The following PPARGC1A variants were observed in gnomAD, a reference collection of about 807,000 sequenced individuals.
PPARGC1A encodes the protein PPARG coactivator 1 alpha, also known as peroxisome proliferator-activated receptor gamma coactivator 1-alpha.
Under a neutral mutation model 88.7 loss-of-function variants are expected in PPARGC1A, and 25 were observed. The observed-to-expected ratio is 0.28, with a 90% CI of 0.21 to 0.39. The LOEUF (loss-of-function observed/expected upper bound fraction) is 0.39, where lower values mean the gene tolerates loss of function less well. Ranked by LOEUF, PPARGC1A falls within the 10% of genes least tolerant of loss-of-function variation. The pLI, the probability that PPARGC1A is intolerant of heterozygous loss-of-function variation, is 1.00. For missense variants in PPARGC1A, 880 were observed against 968.7 expected, an observed-to-expected ratio of 0.91 and a Z score of 1.22; for synonymous variants, 363 against 355.6, an observed-to-expected ratio of 1.02 and a Z score of -0.24.
At chr4:24,393,047 A>C in the PPARGC1A span, among the ~76,000 whole-genome samples, 3,311 of 102,380 alleles carry the variant, frequency 0.032, 45 homozygotes, top group Middle Eastern at 0.064. Context: ...ACACACACAC[A>C]CCCCTTTTTC....
At chr4:23,883,180 T>G (rs1716265721) in intron 2 of PPARGC1A, 1 of 152,198 alleles carries the variant, frequency 6.6e-6, no homozygotes, top group African/African-American at 2.4e-5. Flanking sequence ...CCTGGGAAAG[T>G]AGAACTAACC....
chr4:24,327,175 C>T, the PPARGC1A span, among the ~76,000 whole-genome samples: 6 of 152,204 alleles, frequency 3.9e-5, no homozygotes. Context: ...CAAGGGACAG[C>T]CCATTTGAGC....
the PPARGC1A span, among the ~76,000 whole-genome samples, chr4:24,278,713 C>T: frequency 7.5e-4 from 114 of 152,312 alleles, 1 homozygote; most frequent in East Asian, 0.012. Flanking sequence ...ATTTTCCACA[C>T]CGTGTTGCTA....
the PPARGC1A span, among the ~76,000 whole-genome samples, chr4:23,959,676 G>A: frequency 1.3e-5 from 2 of 151,998 alleles, no homozygotes; most frequent in Non-Finnish European, 2.9e-5. Flanking sequence ...GAGCTCTTGG[G>A]GTCTCCTATG....
At chr4:24,402,241 A>G in the PPARGC1A span, among the ~76,000 whole-genome samples, 1 of 152,204 alleles carries the variant, frequency 6.6e-6, no homozygotes, top group Non-Finnish European at 1.5e-5. Flanking sequence ...TGAGCGGTGG[A>G]GAGAGATACT....
chr4:24,089,673 G>A, the PPARGC1A span, among the ~76,000 whole-genome samples: 1 of 151,968 alleles, frequency 6.6e-6, no homozygotes, highest in Non-Finnish European at 1.5e-5. Flanking sequence ...GCCACGCCCG[G>A]CTAATTTTTT....
chr4:24,224,767 G>C, the PPARGC1A span, among the ~76,000 whole-genome samples: 1 of 152,196 alleles, frequency 6.6e-6, no homozygotes, highest in African/African-American at 2.4e-5. Context: ...GCAAGCCATG[G>C]AGAAGTGCAA....
chr4:24,155,104 T>TC, the PPARGC1A span, among the ~76,000 whole-genome samples: 3,225 of 148,768 alleles, frequency 0.022, 116 homozygotes, highest in African/African-American at 0.078. Flanking sequence ...TGTGACTTTC[T>TC]CTTCGAACCT....
the PPARGC1A span, among the ~76,000 whole-genome samples, chr4:24,449,486 G>C: frequency 6.6e-6 from 1 of 152,132 alleles, no homozygotes; most frequent in African/African-American, 2.4e-5. Context: ...CAATTTTGTT[G>C]TTTTATTCTG....
the PPARGC1A span, among the ~76,000 whole-genome samples, chr4:24,448,971 T>C: frequency 1.3e-5 from 2 of 152,192 alleles, no homozygotes; most frequent in Non-Finnish European, 2.9e-5. Context: ...GTTACAAGAT[T>C]ATAGTTCCCC....
At chr4:23,904,977 G>A (rs1239121194), upstream of PPARGC1A, among the ~76,000 whole-genome samples, 2 of 152,088 alleles carry the variant, frequency 1.3e-5, no homozygotes, top group South Asian at 2.1e-4. Flanking sequence ...CAGCGGTGGC[G>A]CTAAGTGCTG....
chr4:24,334,858 T>C, the PPARGC1A span, among the ~76,000 whole-genome samples: 1 of 152,244 alleles, frequency 6.6e-6, no homozygotes, highest in Admixed American at 6.5e-5. Flanking sequence ...TAAGGTTCTC[T>C]GATTTGGCTT....
the PPARGC1A span, among the ~76,000 whole-genome samples, chr4:23,999,973 GCACGT>G: frequency 6.6e-6 from 1 of 152,130 alleles, no homozygotes; most frequent in African/African-American, 2.4e-5. Context: ...TGAGACGCAA[GCACGT>G]CATTAAAATG....
Position 23,889,989 on chromosome 4 carries a change from T to A in PPARGC1A, c.-32A>T. On this transcript the variant is annotated 5_prime_UTR_variant, in exon 1 of 13. Coordinates refer to ENST00000264867, the MANE Select transcript of PPARGC1A (RefSeq NM_013261.5). ...CCTGAATGACGCCAGTCAAGCTTTT[T>A]CAACTCCAATCCACAGTGACACAGA... The A allele has an allele frequency of 6.2e-7, 1 of 1,613,254 alleles. No homozygotes were observed. Among genetic ancestry groups the A allele is most frequent in the Non-Finnish European group, 8.5e-7 (1 of 1,179,570 alleles).
chr4:24,023,534 C>T, the PPARGC1A span, among the ~76,000 whole-genome samples: 1,901 of 152,188 alleles, frequency 0.012, 45 homozygotes, highest in Middle Eastern at 0.037. Flanking sequence ...GCTGTGATAC[C>T]GCAAGGATAT....
At chr4:23,895,691 C>A (rs61795680) in intron 1 of PPARGC1A, among the ~76,000 whole-genome samples, 1 of 151,754 alleles carries the variant, frequency 6.6e-6, no homozygotes, top group Non-Finnish European at 1.5e-5. Flanking sequence ...TCAGATACTA[C>A]TGGTAGGATT....
chr4:23,970,718 GACTTCAGGTC>G, the PPARGC1A span, among the ~76,000 whole-genome samples: 2 of 152,106 alleles, frequency 1.3e-5, no homozygotes, highest in South Asian at 4.1e-4. Flanking sequence ...GCAGCTAAGG[GACTTCAGGTC>G]ACTAACTCAC....
chr4:23,932,911 C>T, the PPARGC1A span, among the ~76,000 whole-genome samples: 1 of 152,118 alleles, frequency 6.6e-6, no homozygotes, highest in Non-Finnish European at 1.5e-5. Context: ...TCAGTCTCGC[C>T]GTTCTAAGCT....
intron 2 of PPARGC1A, among the ~76,000 whole-genome samples, chr4:23,873,296 T>A (rs13106578): frequency 0.63 from 93,913 of 149,660 alleles, 30,097 homozygotes; most frequent in Non-Finnish European, 0.7. Flanking sequence ...AATAATCCCC[T>A]GTAATATTGC....
Sources: gnomAD v4.1 joint callset for allele counts (sites outside exome capture counted in the v4.1 genomes callset) on GRCh38, gnomAD v4.1.1 for gene constraint, MANE v1.5 for transcripts, NCBI Gene and HGNC (gene_info 2026-07-23, HGNC 2026-07-21) for gene names.